The following AIMP2 variants were observed in gnomAD, a reference collection of about 807,000 sequenced individuals.
AIMP2 encodes the protein aminoacyl tRNA synthetase complex interacting multifunctional protein 2.
A neutral mutation model predicts 23.4 loss-of-function variants in AIMP2; 20 were observed. That is an observed-to-expected ratio of 0.85 (90% CI 0.60 to 1.24). The LOEUF (loss-of-function observed/expected upper bound fraction) is 1.24. Ranked by LOEUF, AIMP2 falls within the 50% of genes most tolerant of loss-of-function variation. The pLI is 0.00. For missense variants in AIMP2, 515 were observed against 414.5 expected (o/e 1.24, Z -2.10); for synonymous variants, 210 against 170.4 (o/e 1.23, Z -1.81).
At chr7:6,011,014 A>G (rs1786652466) in intron 1 of AIMP2, among the ~76,000 whole-genome samples, 1 of 152,104 alleles carries the variant, frequency 6.6e-6, no homozygotes, top group South Asian at 2.1e-4. Flanking sequence ...TTTTATTGTA[A>G]TATCAGAAGT....
intron 1 of AIMP2, among the ~76,000 whole-genome samples, chr7:6,010,455 T>G (rs1473284107): frequency 6.6e-6 from 1 of 151,948 alleles, no homozygotes; most frequent in African/African-American, 2.4e-5. Context: ...TTTGTTTTTT[T>G]TTTTGTTTTT....
At position 6,009,298 on chromosome 7, in the gene AIMP2, T is replaced by A; in HGVS notation, c.-66T>A. On this transcript the variant is annotated 5_prime_UTR_variant, in exon 1 of 4. Coordinates refer to ENST00000223029, the MANE Select transcript of AIMP2 (RefSeq NM_006303.4). ...GAAGGGAGGTGGCCGGTCTCCGTCGTGACCTCTGACGGTTTCTGAGCGTTG... is the reference window on the plus strand; with the variant it reads ...GAAGGGAGGTGGCCGGTCTCCGTCGAGACCTCTGACGGTTTCTGAGCGTTG... The A allele has an allele frequency of 6.2e-7, 1 of 1,610,422 alleles. No individual in the cohort carries two copies. The highest frequency in any genetic ancestry group is 8.5e-7 in the Non-Finnish European group (1 of 1,179,378).
At position 6,023,491 on chromosome 7, in the gene AIMP2, G is replaced by A. The variant is rs750657628; in HGVS notation, c.763G>A (p.Val255Ile). 6.2e-7 allele frequency: 1 copy of A among 1,614,166 alleles called. No individual in the cohort carries two copies. Among genetic ancestry groups the A allele is most frequent in the East Asian group, 2.2e-5 (1 of 44,884 alleles). ...KEGSSKEKAA[V>I]FRSMNSALGK... ...GGGAAGCAGTAAAGAAAAAGCCGCTGTTTTCCGCTCCATGAACTCTGCTCT... is the reference window on the plus strand; with the variant it reads ...GGGAAGCAGTAAAGAAAAAGCCGCTATTTTCCGCTCCATGAACTCTGCTCT... Residue 255 changes from valine (V) to isoleucine (I), a missense_variant, in exon 4 of 4, where the codon GTT becomes ATT. Coordinates refer to ENST00000223029, the MANE Select transcript of AIMP2 (RefSeq NM_006303.4).
chr7:6,009,421 C>G lies in AIMP2; in HGVS notation c.58C>G (p.Leu20Val). 1 of 1,611,478 alleles carries G rather than the reference C, an allele frequency of 6.2e-7. No individual in the cohort carries two copies. ...HGGGAPLRVE[L>V]PTCMYRLPNV... ...GGGCGGCGCGCCTCTCCGTGTGGAG[C>G]TTCCCACCTGCATGTACCGGCTCCC... The change falls in exon 1 of 4, where the codon CTT (leucine) becomes GTT (valine). Residue 20 changes from leucine to valine, a missense_variant. Physicochemically the swap from Leu to Val is conservative, Grantham distance 32. Transcript: ENST00000223029.
At chr7:6,009,575 G>T in intron 1 of AIMP2, 77 bp downstream of exon 1, 2 of 1,315,394 alleles carry the variant, frequency 1.5e-6, no homozygotes, top group South Asian at 2.0e-5. Context: ...AGGCCGGAGC[G>T]AGCGCGTCCC....
intron 3 of AIMP2, chr7:6,023,096 T>C: frequency 1.7e-6 from 1 of 583,618 alleles, no homozygotes; most frequent in Non-Finnish European, 2.9e-6. Context: ...AATGACTCTT[T>C]GGTTACTTTT....
chr7:6,021,132 A>G (rs1787377110), intron 3 of AIMP2, among the ~76,000 whole-genome samples: 1 of 152,118 alleles, frequency 6.6e-6, no homozygotes, highest in South Asian at 2.1e-4. Flanking sequence ...AAAGTCGTCT[A>G]CTTGCCCCCA....
intron 3 of AIMP2, 74 bp downstream of exon 3, chr7:6,018,119 C>T: frequency 3.6e-6 from 4 of 1,100,450 alleles, no homozygotes; most frequent in East Asian, 2.5e-5. Flanking sequence ...TGCATGAGTC[C>T]ATTTACATGT....
intron 1 of AIMP2, chr7:6,012,894 C>T (rs1172279630): frequency 2.0e-6 from 2 of 988,594 alleles, no homozygotes; most frequent in East Asian, 1.1e-4. Flanking sequence ...CTGTTCCACC[C>T]GGAAGTCAGT....
At position 6,013,461 on chromosome 7, in the gene AIMP2, A is replaced by G. The variant is rs367976205; in HGVS notation, c.136-1685A>G. Among the ~76,000 whole-genome samples, 3 of 151,810 alleles carry G rather than the reference A, an allele frequency of 2.0e-5. No homozygotes were observed. The East Asian group carries it at 5.8e-4, about 29-fold the overall frequency. The stretch of plus-strand genomic sequence containing the variant: ...CTTTTAGTAGAGACGGGGTTTCACC[A>G]TGTTGGCCAGGCTGGTCTCGAACTC... On this transcript the variant is annotated intron_variant, in intron 1 of 3. Coordinates refer to ENST00000223029, the MANE Select transcript of AIMP2 (RefSeq NM_006303.4).
At chr7:6,021,922 G>A (rs1054113135) in intron 3 of AIMP2, among the ~76,000 whole-genome samples, 3 of 152,048 alleles carry the variant, frequency 2.0e-5, no homozygotes, top group East Asian at 3.9e-4. Context: ...AAGTTACACC[G>A]TGCTTGCCTC....
In AIMP2 at chr7:6,023,426, T is replaced by C. The variant is rs1787596576; in HGVS notation, c.698T>C (p.Ile233Thr). 6.8e-6 allele frequency: 11 copies of C among 1,614,208 alleles called. No individual in the cohort carries two copies. The highest frequency in any genetic ancestry group is 1.3e-5 in the African/African-American group (1 of 75,054). The change falls in exon 4 of 4, where the codon ATA (isoleucine) becomes ACA (threonine). Residue 233 changes from isoleucine to threonine, a missense_variant. Ile to Thr is a moderately conservative substitution (Grantham distance 89, BLOSUM62 -1). Coordinates refer to ENST00000223029, the MANE Select transcript of AIMP2 (RefSeq NM_006303.4). ...QKHNAVNATLIDSWVDIAIFQ... is the reference protein window; with the variant it reads ...QKHNAVNATLTDSWVDIAIFQ... ...CATAATGCTGTCAACGCAACCCTTA[T>C]AGATAGCTGGGTAGATATTGCGATT...
intron 1 of AIMP2, among the ~76,000 whole-genome samples, chr7:6,009,838 A>C (rs1339697679): frequency 1.4e-5 from 2 of 146,016 alleles, no homozygotes; most frequent in African/African-American, 5.1e-5. Flanking sequence ...AATCCCAGCT[A>C]CTCGGGAGGC....
At chr7:6,022,930 C>T (rs1027846296) in intron 3 of AIMP2, 3 of 207,640 alleles carry the variant, frequency 1.4e-5, no homozygotes, top group Non-Finnish European at 1.9e-5. Context: ...TCTTAATTGC[C>T]CTCAGTCTCA....
chr7:6,021,158 G>A (rs1007847469), intron 3 of AIMP2, among the ~76,000 whole-genome samples: 10 of 151,986 alleles, frequency 6.6e-5, no homozygotes, highest in Non-Finnish European at 1.5e-4. Flanking sequence ...ATTACACACA[G>A]TACTCTATGA....
intron 1 of AIMP2, among the ~76,000 whole-genome samples, chr7:6,012,337 A>G (rs1019307826): frequency 3.9e-5 from 6 of 152,196 alleles, no homozygotes; most frequent in Non-Finnish European, 5.9e-5. Context: ...ATAAATACAT[A>G]TAAATTAAAA....
Position 6,023,751 on chromosome 7 carries a change from T to C in AIMP2, c.*60T>C, listed in dbSNP as rs1240990864. The C allele has an allele frequency of 2.5e-6, 4 of 1,612,520 alleles. No individual in the cohort carries two copies. In the East Asian group the frequency reaches 8.9e-5, roughly 36 times the overall value. ...AAGAATGGTGCTCTTTCATGCCTAT[T>C]ATCAGTAAGGGGACTTGTATTAGAG... On this transcript the variant is annotated 3_prime_UTR_variant, in exon 4 of 4. Coordinates refer to ENST00000223029, the MANE Select transcript of AIMP2 (RefSeq NM_006303.4).
chr7:6,014,963 G>A (rs754974398), intron 1 of AIMP2, 183 bp from the exon 2 acceptor site: 26 of 1,347,286 alleles, frequency 1.9e-5, no homozygotes, highest in Admixed American at 2.9e-5. Context: ...CAGATGATCT[G>A]CCTACCTGGA....
chr7:6,022,144 T>C (rs1787471991), intron 3 of AIMP2: 1 of 152,236 alleles, frequency 6.6e-6, no homozygotes, highest in South Asian at 2.1e-4. Context: ...GGTGCGATCA[T>C]AGCTCACCAC....
Sources: gnomAD v4.1 joint callset for allele counts (sites outside exome capture counted in the v4.1 genomes callset) on GRCh38, gnomAD v4.1.1 for gene constraint, MANE v1.5 for transcripts, NCBI Gene and HGNC (gene_info 2026-07-23, HGNC 2026-07-21) for gene names.